The following ZFAT variants were observed in gnomAD, a reference collection of about 807,000 sequenced individuals.
ZFAT encodes the protein zinc finger and AT-hook domain containing.
ZFAT carries 64 observed loss-of-function variants against 117.7 expected under a neutral mutation model. That is an observed-to-expected ratio of 0.54 (90% confidence interval 0.44 to 0.67). ZFAT has a LOEUF of 0.67. Ranked by LOEUF, ZFAT falls within the 30% of genes least tolerant of loss-of-function variation. The pLI is 0.00. For synonymous variants in ZFAT, 679 were observed against 615.0 expected, an observed-to-expected ratio of 1.10 and a Z score of -1.54; for missense variants, 1,433 against 1,584.5, an observed-to-expected ratio of 0.90 and a Z score of 1.62.
Position 134,608,853 on chromosome 8 carries a change from C to A in ZFAT, c.661G>T (p.Ala221Ser). ...GTAGCTCCTGTTTCAGGGGGCCCAG[C>A]CTCCACTGGCACAATCTTGGTAGCA... Reference protein sequence around the residue: ...PGATKIVPVEAGPPETGATNS... With the variant: ...PGATKIVPVESGPPETGATNS... The change falls in exon 5 of 16, where the codon GCT (alanine) becomes TCT (serine). Residue 221 changes from alanine to serine, a missense_variant. This residue lies in a region of ZFAT where 436 missense variants were observed against 482.0 expected (regional missense o/e 0.90). Coordinates refer to ENST00000377838, the MANE Select transcript of ZFAT (RefSeq NM_020863.4). The A allele has an allele frequency of 1.9e-6, 3 of 1,608,934 alleles. No individual in the cohort carries two copies. The highest frequency in any genetic ancestry group is 2.5e-6 in the Non-Finnish European group (3 of 1,178,236).
At chr8:134,541,785 A>G (rs1822276703) in intron 11 of ZFAT, among the ~76,000 whole-genome samples, 1 of 152,242 alleles carries the variant, frequency 6.6e-6, no homozygotes, top group Non-Finnish European at 1.5e-5. Flanking sequence ...TAAAAATTAA[A>G]TGCCAAATCA....
intron 2 of ZFAT, among the ~76,000 whole-genome samples, chr8:134,653,830 G>C (rs987976335): frequency 6.6e-6 from 1 of 152,052 alleles, no homozygotes; most frequent in African/African-American, 2.4e-5. Flanking sequence ...CACATATTAT[G>C]ATCCCATTTT....
intron 15 of ZFAT, among the ~76,000 whole-genome samples, chr8:134,486,912 A>C (rs997634219): frequency 1.3e-5 from 2 of 152,156 alleles, no homozygotes; most frequent in Admixed American, 1.3e-4. Context: ...GCCTGTGTGC[A>C]GGAACATGGG....
At position 134,664,260 on chromosome 8, in the gene ZFAT, G is replaced by A. The variant is rs183885626; in HGVS notation, c.20-6523C>T. On this transcript the variant is annotated intron_variant, in intron 1 of 15. Transcript: ENST00000377838. ...CTGACCTCCCCTCAGCCAGGGAAGT[G>A]CAGGGGCAAGCAGAACCCGGATCTC... 1.2e-4 allele frequency among the ~76,000 whole-genome samples: 19 copies of A among 152,182 alleles called. 1 individual carries two copies. The highest frequency in any genetic ancestry group is 3.4e-3 in the Middle Eastern group (1 of 294).
At chr8:134,556,055 G>GGAAA (rs1823587576) in intron 11 of ZFAT, among the ~76,000 whole-genome samples, 1 of 88,186 alleles carries the variant, frequency 1.1e-5, no homozygotes, top group Non-Finnish European at 2.2e-5. Context: ...AAGGAAGGAA[G>GGAAA]GAAGGAAGGA....
chr8:134,821,979 G>A, the ZFAT span, among the ~76,000 whole-genome samples: 5 of 152,224 alleles, frequency 3.3e-5, no homozygotes, highest in East Asian at 9.6e-4. Context: ...GCTGTTGAGG[G>A]AAATGAAATT....
intron 10 of ZFAT, among the ~76,000 whole-genome samples, chr8:134,570,160 C>T (rs1824788139): frequency 1.3e-5 from 2 of 152,128 alleles, no homozygotes; most frequent in South Asian, 4.1e-4. Flanking sequence ...GGTGTCCATC[C>T]CAGATATGCT....
intron 3 of ZFAT, among the ~76,000 whole-genome samples, chr8:134,630,299 C>T (rs898616235): frequency 1.3e-5 from 2 of 152,228 alleles, no homozygotes; most frequent in Admixed American, 6.5e-5. Context: ...AAGAAACAGA[C>T]ATTACCACTA....
chr8:134,605,382 TA>T, intron 5 of ZFAT, among the ~76,000 whole-genome samples: 1 of 151,736 alleles, frequency 6.6e-6, no homozygotes, highest in Non-Finnish European at 1.5e-5. Flanking sequence ...CCGTCTCTAC[TA>T]AAAATACAAA....
intron 15 of ZFAT, among the ~76,000 whole-genome samples, chr8:134,480,404 C>T (rs1385318410): frequency 6.6e-6 from 1 of 152,230 alleles, no homozygotes; most frequent in Non-Finnish European, 1.5e-5. Flanking sequence ...ACCATGTCTG[C>T]CTGGTCACAA....
chr8:134,496,608 T>C (rs1818456665), intron 15 of ZFAT, among the ~76,000 whole-genome samples: 1 of 152,200 alleles, frequency 6.6e-6, no homozygotes. Context: ...TTTGAATGCG[T>C]ATGAAGCCTC....
chr8:134,500,462 AC>A (rs1818887721), intron 15 of ZFAT, among the ~76,000 whole-genome samples: 2 of 152,084 alleles, frequency 1.3e-5, no homozygotes, highest in South Asian at 4.2e-4. Context: ...ACAGAGAATA[AC>A]CTTTGTTCTC....
chr8:134,661,762 G>A (rs1410289775), intron 1 of ZFAT, among the ~76,000 whole-genome samples: 1 of 152,192 alleles, frequency 6.6e-6, no homozygotes, highest in African/African-American at 2.4e-5. Flanking sequence ...CAGAGACAGG[G>A]GAGGCAGATG....
the ZFAT span, among the ~76,000 whole-genome samples, chr8:134,757,056 G>C: frequency 8.6e-6 from 1 of 116,358 alleles, no homozygotes; most frequent in Non-Finnish European, 1.6e-5. Context: ...CACTCCTGTC[G>C]CCCAGGCTGG....
At chr8:134,687,435 T>C (rs1429999463) in intron 1 of ZFAT, among the ~76,000 whole-genome samples, 1 of 152,216 alleles carries the variant, frequency 6.6e-6, no homozygotes, top group Non-Finnish European at 1.5e-5. Flanking sequence ...TAAATTCTTT[T>C]AAGTTATTTT....
chr8:134,703,846 G>T (rs4243859), intron 1 of ZFAT, among the ~76,000 whole-genome samples: 55,017 of 151,862 alleles, frequency 0.36, 10,013 homozygotes, highest in South Asian at 0.4. Flanking sequence ...AATGTTCAGG[G>T]AAAGAAGGTG....
chr8:134,716,373 A>G (rs1274955151), upstream of ZFAT, among the ~76,000 whole-genome samples: 13 of 152,338 alleles, frequency 8.5e-5, no homozygotes, highest in East Asian at 2.5e-3. Flanking sequence ...CAATCTCACT[A>G]TGAACATAAT....
At chr8:134,622,555 C>T (rs1386451491) in intron 3 of ZFAT, among the ~76,000 whole-genome samples, 1 of 152,110 alleles carries the variant, frequency 6.6e-6, no homozygotes, top group Non-Finnish European at 1.5e-5. Context: ...GAGCGTGTCC[C>T]TTTTAAGGGC....
chr8:134,562,580 C>T (rs1824130788), intron 11 of ZFAT, among the ~76,000 whole-genome samples: 1 of 152,184 alleles, frequency 6.6e-6, no homozygotes, highest in Non-Finnish European at 1.5e-5. Flanking sequence ...GCTGGATTTA[C>T]TGTTTCTCAC....
Sources: gnomAD v4.1 joint callset for allele counts (sites outside exome capture counted in the v4.1 genomes callset) on GRCh38, gnomAD v4.1.1 for gene constraint, gnomAD v4.1.1 regional missense constraint, MANE v1.5 for transcripts, NCBI Gene and HGNC (gene_info 2026-07-23, HGNC 2026-07-21) for gene names.